The following SLC28A2 variants were observed in gnomAD, a reference collection of about 807,000 sequenced individuals.
SLC28A2 encodes the protein sodium/nucleoside cotransporter 2.
A neutral mutation model predicts 72.9 loss-of-function variants in SLC28A2; 69 were observed. That is an observed-to-expected ratio of 0.95 (90% CI 0.78 to 1.16). The LOEUF is 1.16. SLC28A2 is among the 50% of genes most tolerant of loss of function. SLC28A2 has a pLI of 0.00. For synonymous variants in SLC28A2, 296 were observed against 294.1 expected (o/e 1.01, Z -0.07); for missense variants, 745 against 791.1 (o/e 0.94, Z 0.70).
At position 45,275,934 on chromosome 15, in the gene SLC28A2, CAA is replaced by C. The variant is rs58112418; in HGVS notation, c.*441_*442del. The C allele has an allele frequency of 0.49, 47,282 of 96,460 alleles. 8,305 individuals carry two copies. The highest frequency in any genetic ancestry group is 0.56 in the Non-Finnish European group (26,403 of 47,484). 6.0% of individuals were successfully genotyped at this position (96,460 alleles called of 1,614,324 possible). A position where few individuals can be genotyped will look rare whatever the true frequency, so the allele number is the denominator to read the frequency against. On this transcript the variant is annotated 3_prime_UTR_variant, in exon 18 of 18. Transcript: ENST00000347644. ...TGGGTGACAGAGCGAGACTCTGTCT[CAA>C]AAAAAAAAAAAAAAAAAAAGATTCA...
At chr15:45,271,289 G>T (rs565443028) in intron 15 of SLC28A2, among the ~76,000 whole-genome samples, 7 of 152,294 alleles carry the variant, frequency 4.6e-5, no homozygotes, top group South Asian at 2.1e-4. Context: ...TCTTAGGCTG[G>T]ATGTGGTGGC....
chr15:45,262,245 T>A, intron 4 of SLC28A2, 139 bp downstream of exon 4: 1 of 618,966 alleles, frequency 1.6e-6, no homozygotes. Flanking sequence ...TCTTAACTAC[T>A]TGTAGGTGCA....
chr15:45,262,813 C>T (rs1003447875), intron 4 of SLC28A2, among the ~76,000 whole-genome samples: 6 of 152,208 alleles, frequency 3.9e-5, no homozygotes, highest in African/African-American at 1.2e-4. Flanking sequence ...AATGAGATTT[C>T]ATTAGGGACC....
rs763227588 is a variant in SLC28A2 at position 45,263,223 on chromosome 15, G to GC, written c.427dup (p.Leu143ProfsTer78). On this transcript the variant is annotated frameshift_variant, in exon 5 of 18. Transcript: ENST00000347644. LOFTEE classifies it high-confidence loss of function. ...TGTCTGAAGCCCTTTGAAAACTCCC[G>GC]CCTGAGGCTTTGGACGAAATGGTAA... 1 of 1,613,770 alleles carries GC rather than the reference G, an allele frequency of 6.2e-7. No homozygotes were observed. Among genetic ancestry groups the GC allele is most frequent in the South Asian group, 1.1e-5 (1 of 91,034 alleles).
chr15:45,270,005 C>T (rs988976088), intron 14 of SLC28A2, among the ~76,000 whole-genome samples, 190 bp from the exon 15 acceptor site: 1 of 152,134 alleles, frequency 6.6e-6, no homozygotes, highest in Non-Finnish European at 1.5e-5. Context: ...GCAATGAGGC[C>T]CATGGTGGTT....
At chr15:45,268,492 G>A (rs1900420333) in intron 13 of SLC28A2, 114 bp downstream of exon 13, 1 of 872,536 alleles carries the variant, frequency 1.1e-6, no homozygotes. Flanking sequence ...AGTTAGAATG[G>A]CAATCATTAA....
At chr15:45,264,792 C>A in intron 7 of SLC28A2, 24 bp downstream of exon 7, 2 of 1,411,374 alleles carry the variant, frequency 1.4e-6, no homozygotes, top group Non-Finnish European at 2.0e-6. Flanking sequence ...AATGCGAGGG[C>A]TTTTCTCTTT....
intron 10 of SLC28A2, among the ~76,000 whole-genome samples, chr15:45,266,971 C>G (rs1018127622): frequency 5.3e-5 from 8 of 152,034 alleles, no homozygotes; most frequent in Non-Finnish European, 1.2e-4. Context: ...CATAGATGGC[C>G]CTTCATAATT....
Position 45,270,199 on chromosome 15 carries a change from G to T in SLC28A2, c.1571G>T (p.Arg524Ile). 6.2e-7 allele frequency: 1 copy of T among 1,611,512 alleles called. No individual in the cohort carries two copies. Among genetic ancestry groups the T allele is most frequent in the African/African-American group, 1.3e-5 (1 of 74,998 alleles). Residue 524 changes from arginine (R) to isoleucine (I), a missense_variant, in exon 15 of 18, where the codon AGA becomes ATA. Physicochemically the swap from Arg to Ile is moderately conservative, Grantham distance 97. Coordinates refer to ENST00000347644, the MANE Select transcript of SLC28A2 (RefSeq NM_004212.4). ...IEGEKQWISV[R>I]AEIITTFSLC... is the part of the protein sequence containing the mutation. ...ATTTATTTTTGTTTTCCCTAGGTGA[G>T]AGCTGAAATCATTACAACATTTTCA...
intron 5 of SLC28A2, among the ~76,000 whole-genome samples, 180 bp from the exon 6 acceptor site, chr15:45,263,701 A>G (rs1900233031): frequency 6.6e-6 from 1 of 152,250 alleles, no homozygotes; most frequent in Non-Finnish European, 1.5e-5. Context: ...GAGTTTAAAG[A>G]GAAAACTTAC....
intron 3 of SLC28A2, chr15:45,253,982 TA>T: frequency 6.5e-6 from 1 of 153,962 alleles, no homozygotes; most frequent in Non-Finnish European, 1.4e-5. Context: ...ATAAAGACAG[TA>T]AAAAAGATCT....
chr15:45,254,612 A>G (rs1292914941), intron 3 of SLC28A2, among the ~76,000 whole-genome samples: 1 of 152,202 alleles, frequency 6.6e-6, no homozygotes, highest in South Asian at 2.1e-4. Flanking sequence ...AAATTGACTA[A>G]TGTTGAATTT....
intron 16 of SLC28A2, 43 bp from the exon 17 acceptor site, chr15:45,272,630 C>T (rs369133261): frequency 3.4e-5 from 38 of 1,108,784 alleles, no homozygotes; most frequent in South Asian, 2.9e-4. Context: ...TTGAGAAGCA[C>T]GTGTCAGATC....
intron 16 of SLC28A2, 23 bp from the exon 17 acceptor site, chr15:45,272,650 G>A (rs1595683387): frequency 7.6e-7 from 1 of 1,313,876 alleles, no homozygotes. Flanking sequence ...CTTCCCCTTA[G>A]TACCTCTGTC....
At chr15:45,265,271 T>C (rs1900297233) in intron 8 of SLC28A2, 105 bp downstream of exon 8, 1 of 808,018 alleles carries the variant, frequency 1.2e-6, no homozygotes. Flanking sequence ...TGTATACCAA[T>C]TTGACCCTAA....
chr15:45,277,525 C>T lies in SLC28A2; in HGVS notation c.*2012C>T, dbSNP rs1345917719. On this transcript the variant is annotated 3_prime_UTR_variant, in exon 18 of 18. Coordinates refer to ENST00000347644, the MANE Select transcript of SLC28A2 (RefSeq NM_004212.4). ...AGTACTGATTTATGCTATGTAGAGGCACCCCGAAAACATGCTAAACGAAAG... is the reference window on the plus strand; with the variant it reads ...AGTACTGATTTATGCTATGTAGAGGTACCCCGAAAACATGCTAAACGAAAG... 3 of 151,068 alleles carry T rather than the reference C, an allele frequency of 2.0e-5. No homozygotes were observed. The highest frequency in any genetic ancestry group is 7.3e-5 in the African/African-American group (3 of 41,148). 9.4% of individuals were successfully genotyped at this position (151,068 alleles called of 1,614,324 possible).
chr15:45,258,640 C>T (rs11632651), intron 3 of SLC28A2, among the ~76,000 whole-genome samples: 71,976 of 152,022 alleles, frequency 0.47, 20,717 homozygotes, highest in Non-Finnish European at 0.67. Flanking sequence ...TTACATTGTG[C>T]TTTGGAGATT....
intron 16 of SLC28A2, 43 bp downstream of exon 16, chr15:45,272,436 G>A: frequency 6.9e-7 from 1 of 1,439,712 alleles, no homozygotes; most frequent in South Asian, 1.2e-5. Context: ...GCATGAGGGT[G>A]ATGGTTGGAG....
intron 3 of SLC28A2, among the ~76,000 whole-genome samples, chr15:45,260,590 C>G (rs1900129150): frequency 1.3e-5 from 2 of 152,084 alleles, no homozygotes; most frequent in Non-Finnish European, 2.9e-5. Context: ...GACCTCATCT[C>G]TACAAAAATT....
Sources: gnomAD v4.1 joint callset for allele counts (sites outside exome capture counted in the v4.1 genomes callset) on GRCh38, gnomAD v4.1.1 for gene constraint, MANE v1.5 for transcripts, NCBI Gene and HGNC (gene_info 2026-07-23, HGNC 2026-07-21) for gene names.